The following GRID1 variants were observed in gnomAD, a reference collection of about 807,000 sequenced individuals.
The protein encoded by GRID1 is glutamate ionotropic receptor delta type subunit 1, also known as glutamate receptor ionotropic, delta-1.
In GRID1, 28 loss-of-function variants were observed where a neutral mutation model predicts 98.0. The ratio of observed to expected loss-of-function variants is 0.29; its 90% CI spans 0.21 to 0.39. GRID1 has a LOEUF of 0.39. Ranked by LOEUF, GRID1 falls within the 10% of genes least tolerant of loss-of-function variation. The probability of loss-of-function intolerance (pLI) is 1.00; values close to 1 mark genes in which losing one functional copy is unlikely to be tolerated. For synonymous variants in GRID1, 553 were observed against 538.5 expected, an observed-to-expected ratio of 1.03 and a Z score of -0.37; for missense variants, 1,111 against 1,340.5, an observed-to-expected ratio of 0.83 and a Z score of 2.67.
At chr10:86,311,372 A>G (rs1847829918) in intron 2 of GRID1, among the ~76,000 whole-genome samples, 1 of 152,164 alleles carries the variant, frequency 6.6e-6, no homozygotes, top group South Asian at 2.1e-4. Context: ...CAGCTGGGAG[A>G]CCTAATCAGG....
chr10:85,930,918 T>A (rs1841843043), intron 4 of GRID1, among the ~76,000 whole-genome samples: 1 of 152,158 alleles, frequency 6.6e-6, no homozygotes. Flanking sequence ...CATGACTCAC[T>A]TCAGCCTTGA....
chr10:85,827,443 G>C (rs1842830051), intron 8 of GRID1, among the ~76,000 whole-genome samples: 1 of 152,034 alleles, frequency 6.6e-6, no homozygotes, highest in Non-Finnish European at 1.5e-5. Context: ...CAGACAGAGA[G>C]AGAATTAAAA....
At chr10:85,742,594 C>T (rs1841955062) in intron 8 of GRID1, among the ~76,000 whole-genome samples, 1 of 152,148 alleles carries the variant, frequency 6.6e-6, no homozygotes, top group Non-Finnish European at 1.5e-5. Context: ...GTGACAGATC[C>T]TCCTGCATCT....
chr10:85,820,002 G>A (rs969922923), intron 8 of GRID1, among the ~76,000 whole-genome samples: 2 of 116,286 alleles, frequency 1.7e-5, no homozygotes, highest in African/African-American at 8.5e-5. Context: ...AGGAAGGAAG[G>A]AAGGAAGGAA....
At chr10:86,034,994 T>C (rs1843239957) in intron 4 of GRID1, among the ~76,000 whole-genome samples, 1 of 151,752 alleles carries the variant, frequency 6.6e-6, no homozygotes, top group African/African-American at 2.4e-5. Flanking sequence ...GATGGATAAG[T>C]ATACAGGTAC....
intron 3 of GRID1, among the ~76,000 whole-genome samples, chr10:86,177,705 G>GA (rs1435071777): frequency 2.0e-5 from 3 of 152,098 alleles, no homozygotes; most frequent in African/African-American, 7.2e-5. Flanking sequence ...GACAGAGGCA[G>GA]AGAGAGATTC....
rs185297449 is a variant in GRID1 at position 86,239,852 on chromosome 10, A to G, written c.236-33204T>C. Among the ~76,000 whole-genome samples the G allele has an allele frequency of 4.5e-4, 69 of 152,324 alleles. No individual in the cohort carries two copies. In the East Asian group the frequency reaches 7.3e-3, roughly 16 times the overall value. On this transcript the variant is annotated intron_variant, in intron 2 of 15. Coordinates refer to ENST00000327946, the MANE Select transcript of GRID1 (RefSeq NM_017551.3). ...ATAAATTACCCAGTTTCAGGTAGTT[A>G]TTTATAATAATGTGAGAATGATCAA...
At chr10:86,147,537 C>T in intron 3 of GRID1, among the ~76,000 whole-genome samples, 1 of 152,166 alleles carries the variant, frequency 6.6e-6, no homozygotes, top group East Asian at 1.9e-4. Flanking sequence ...AATAAAGCTG[C>T]ACACATACAA....
At chr10:85,928,485 G>C (rs1841806249) in intron 4 of GRID1, among the ~76,000 whole-genome samples, 1 of 152,198 alleles carries the variant, frequency 6.6e-6, no homozygotes, top group South Asian at 2.1e-4. Context: ...TTGGCCTGCA[G>C]ACACCAAGTC....
chr10:85,759,379 C>G (rs1185178554), intron 8 of GRID1, among the ~76,000 whole-genome samples: 1 of 152,214 alleles, frequency 6.6e-6, no homozygotes, highest in African/African-American at 2.4e-5. Flanking sequence ...CTGAATGCAG[C>G]TGCTCTTGGG....
chr10:85,722,924 A>G, intron 12 of GRID1, 79 bp downstream of exon 12: 1 of 1,299,498 alleles, frequency 7.7e-7, no homozygotes, highest in Non-Finnish European at 1.0e-6. Context: ...CCATCATACC[A>G]CACTGCCCTG....
At chr10:86,152,449 G>A (rs769440919) in intron 3 of GRID1, among the ~76,000 whole-genome samples, 3 of 152,254 alleles carry the variant, frequency 2.0e-5, no homozygotes, top group Non-Finnish European at 2.9e-5. Flanking sequence ...CAGCAACGGA[G>A]ACACTGCACT....
intron 4 of GRID1, among the ~76,000 whole-genome samples, chr10:85,921,356 T>A (rs1841700628): frequency 6.6e-6 from 1 of 152,192 alleles, no homozygotes; most frequent in Non-Finnish European, 1.5e-5. Flanking sequence ...GGGAGCCGAC[T>A]GTGGAAGGGA....
intron 2 of GRID1, among the ~76,000 whole-genome samples, chr10:86,213,764 T>A (rs1349435556): frequency 6.7e-6 from 1 of 149,984 alleles, no homozygotes; most frequent in African/African-American, 2.5e-5. Context: ...TCTGCCTGAG[T>A]TCTCCACTTA....
At chr10:86,297,678 A>T (rs1401325553) in intron 2 of GRID1, among the ~76,000 whole-genome samples, 1 of 152,260 alleles carries the variant, frequency 6.6e-6, no homozygotes, top group African/African-American at 2.4e-5. Flanking sequence ...AAAATAGTCT[A>T]TGAAACACAT....
intron 3 of GRID1, among the ~76,000 whole-genome samples, chr10:86,158,521 C>T (rs1395996259): frequency 6.6e-6 from 1 of 152,200 alleles, no homozygotes; most frequent in Non-Finnish European, 1.5e-5. Context: ...CTGTAGGACT[C>T]AGCTCCAACC....
intron 15 of GRID1, among the ~76,000 whole-genome samples, chr10:85,608,388 G>A (rs1165516488): frequency 1.3e-5 from 2 of 152,170 alleles, no homozygotes; most frequent in Non-Finnish European, 2.9e-5. Flanking sequence ...AATCACCTCT[G>A]ACATGCAGCC....
Position 85,602,254 on chromosome 10 carries a change from A to G in GRID1, c.*19T>C. 1 of 1,454,096 alleles carries G rather than the reference A, an allele frequency of 6.9e-7. No homozygotes were observed. The highest frequency in any genetic ancestry group is 2.5e-5 in the East Asian group (1 of 40,774). The allele number at this position is 1,454,096 out of a possible 1,614,324, so 90.1% of individuals were successfully genotyped here. On this transcript the variant is annotated 3_prime_UTR_variant, in exon 16 of 16. Coordinates refer to ENST00000327946, the MANE Select transcript of GRID1 (RefSeq NM_017551.3). ...TGGTCGGGTGGGTGGGAGGGTGGGC[A>G]GGAGGGCAGGCGGCGCAGTCAGATG...
intron 5 of GRID1, among the ~76,000 whole-genome samples, chr10:85,870,054 T>C (rs2131794290): frequency 6.6e-6 from 1 of 152,286 alleles, no homozygotes; most frequent in Non-Finnish European, 1.5e-5. Context: ...ATGCAAAGTA[T>C]TGTTCCTGGG....
Sources: gnomAD v4.1 joint callset for allele counts (sites outside exome capture counted in the v4.1 genomes callset) on GRCh38, gnomAD v4.1.1 for gene constraint, MANE v1.5 for transcripts, NCBI Gene and HGNC (gene_info 2026-07-23, HGNC 2026-07-21) for gene names.